The following PTCD3 variants were observed in gnomAD, a reference collection of about 807,000 sequenced individuals.
PTCD3 encodes the protein small ribosomal subunit protein mS39.
PTCD3 carries 89 observed loss-of-function variants against 101.9 expected under a neutral mutation model. The ratio of observed to expected loss-of-function variants is 0.87; its 90% CI spans 0.74 to 1.04. The LOEUF (loss-of-function observed/expected upper bound fraction) is 1.04, where lower values mean the gene tolerates loss of function less well. Among genes scored for constraint, PTCD3 ranks in the 50% least tolerant of loss-of-function variants. PTCD3 has a pLI of 0.00. For missense variants in PTCD3, 870 were observed against 828.2 expected, an observed-to-expected ratio of 1.05 and a Z score of -0.62; for synonymous variants, 296 against 278.5, an observed-to-expected ratio of 1.06 and a Z score of -0.63.
At chr2:86,126,964 G>A (rs1008285161) in intron 12 of PTCD3, among the ~76,000 whole-genome samples, 197 bp from the exon 13 acceptor site, 18 of 152,184 alleles carry the variant, frequency 1.2e-4, no homozygotes, top group African/African-American at 4.3e-4. Context: ...TGGGGTGGGT[G>A]TTTGAATTAG....
intron 13 of PTCD3, chr2:86,127,553 T>C (rs1337857016): frequency 4.0e-6 from 2 of 497,436 alleles, no homozygotes; most frequent in African/African-American, 3.9e-5. Context: ...GTGATTGCTT[T>C]GAGTTAGCTA....
chr2:86,111,114 G>A lies in PTCD3; in HGVS notation c.196G>A (p.Asp66Asn). The change falls in exon 4 of 24, where the codon GAT becomes AAT. Residue 66 changes from aspartate to asparagine, a missense_variant and splice_region_variant. Physicochemically the swap from Asp to Asn is conservative, Grantham distance 23. Coordinates refer to ENST00000254630, the MANE Select transcript of PTCD3 (RefSeq NM_017952.6). Reference protein sequence around the residue: ...EVVIPKKKTWDKVAVLQALAS... With the variant: ...EVVIPKKKTWNKVAVLQALAS... ...TTAACTTGTGGTTCTTATTTTTAGG[G>A]ATAAAGTAGCCGTTCTTCAGGCACT... 1 of 1,613,258 alleles carries A rather than the reference G, an allele frequency of 6.2e-7. No individual in the cohort carries two copies. The highest frequency in any genetic ancestry group is 8.5e-7 in the Non-Finnish European group (1 of 1,179,256).
At position 86,108,504 on chromosome 2, in the gene PTCD3, T is replaced by C; in HGVS notation, c.162T>C (p.Ile54=). 1 of 1,597,544 alleles carries C rather than the reference T, an allele frequency of 6.3e-7. No homozygotes were observed. The highest frequency in any genetic ancestry group is 8.5e-7 in the Non-Finnish European group (1 of 1,175,650). ...SKVEGTDVTG[I]EEVVIPKKKT... ...ATGTTTTCTTTTTTACATTAGGGAT[T>C]GAAGAAGTAGTAATTCCAAAAAAGA... The change falls in exon 3 of 24, where the codon ATT becomes ATC. Residue 54 remains isoleucine (I), a synonymous_variant. Coordinates refer to ENST00000254630, the MANE Select transcript of PTCD3 (RefSeq NM_017952.6).
chr2:86,129,211 C>T (rs982660232), intron 14 of PTCD3, among the ~76,000 whole-genome samples: 1 of 152,136 alleles, frequency 6.6e-6, no homozygotes, highest in East Asian at 1.9e-4. Context: ...TTTCTGACTC[C>T]AAAGTATATT....
At position 86,137,505 on chromosome 2, in the gene PTCD3, C is replaced by T. The variant is rs779319486; in HGVS notation, c.2016C>T (p.Asp672=). 2 of 1,613,190 alleles carry T rather than the reference C, an allele frequency of 1.2e-6. No individual in the cohort carries two copies. The highest frequency in any genetic ancestry group is 1.7e-6 in the Non-Finnish European group (2 of 1,179,908). ...ALSNLTALTS[D]SDTDSSSDSD... is the part of the protein sequence containing the mutation. Reference sequence around the variant, plus strand: ...GTAATCTAACTGCATTGACCAGTGACAGTGATACTGACAGCAGCAGTGACA... The same window carrying T: ...GTAATCTAACTGCATTGACCAGTGATAGTGATACTGACAGCAGCAGTGACA... The change falls in exon 24 of 24, where the codon GAC becomes GAT. Residue 672 remains aspartate (D), a synonymous_variant. Coordinates refer to ENST00000254630, the MANE Select transcript of PTCD3 (RefSeq NM_017952.6).
Position 86,125,883 on chromosome 2 carries a change from A to G in PTCD3, c.951+3A>G. 6.3e-7 allele frequency: 1 copy of G among 1,576,220 alleles called. No homozygotes were observed. The highest frequency in any genetic ancestry group is 8.7e-7 in the Non-Finnish European group (1 of 1,146,282). ...AGGAAAAATGGAGTAAAATACTGGT[A>G]AGGAGGAATCCTCAGTTTATTTTTT... On this transcript the variant is annotated splice_donor_region_variant and intron_variant, in intron 12 of 23. Transcript: ENST00000254630.
rs1378080501 is a variant in PTCD3 at position 86,130,695 on chromosome 2, G to C, written c.1195G>C (p.Glu399Gln). The change falls in exon 15 of 24, where the codon GAA becomes CAA. Residue 399 changes from glutamate to glutamine, a missense_variant. Physicochemically the swap from Glu to Gln is conservative, Grantham distance 29 (BLOSUM62 2). Coordinates refer to ENST00000254630, the MANE Select transcript of PTCD3 (RefSeq NM_017952.6). ...SSFIIYDIMNELMGKRFSPKD... is the reference protein window; with the variant it reads ...SSFIIYDIMNQLMGKRFSPKD... ...CTTCATCATTTATGATATAATGAAT[G>C]AATTAATGGGAAAGAGATTTTCTCC... The C allele has an allele frequency of 6.2e-7, 1 of 1,613,766 alleles. No homozygotes were observed. The highest frequency in any genetic ancestry group is 1.1e-5 in the South Asian group (1 of 90,994).
chr2:86,130,985 C>T, intron 15 of PTCD3, 93 bp from the exon 16 acceptor site: 1 of 1,414,114 alleles, frequency 7.1e-7, no homozygotes, highest in African/African-American at 1.4e-5. Context: ...TTGCATGTTA[C>T]CAGTTTTGTT....
chr2:86,133,833 T>A (rs952318007), intron 19 of PTCD3, among the ~76,000 whole-genome samples: 1 of 152,210 alleles, frequency 6.6e-6, no homozygotes, highest in Non-Finnish European at 1.5e-5. Context: ...TGTTTCCAAG[T>A]AATAGCCATG....
In PTCD3 at chr2:86,136,983, A is replaced by C; in HGVS notation, c.1822A>C (p.Ser608Arg). Residue 608 changes from serine to arginine, a missense_variant and splice_region_variant, in exon 23 of 24, where the codon AGT becomes CGT. By Grantham distance (110) the Ser-to-Arg change is moderately radical. Coordinates refer to ENST00000254630, the MANE Select transcript of PTCD3 (RefSeq NM_017952.6). The stretch of plus-strand genomic sequence containing the variant: ...TCACACTTTGCCTTTCTTTTACAGA[A>C]GTGAGTTGCTGAATGAGCTTATGGA... ...LFRKHNKIPR[S>R]ELLNELMDSA... is the part of the protein sequence containing the mutation. 6.2e-7 allele frequency: 1 copy of C among 1,613,176 alleles called. No homozygotes were observed. The highest frequency in any genetic ancestry group is 8.5e-7 in the Non-Finnish European group (1 of 1,179,888).
At chr2:86,127,415 G>A in intron 13 of PTCD3, 110 bp downstream of exon 13, 1 of 1,312,916 alleles carries the variant, frequency 7.6e-7, no homozygotes, top group Admixed American at 2.5e-5. Context: ...ATAATATGTT[G>A]GAAATTTTCT....
rs1005805869 is a variant in PTCD3, at chr2:86,138,332, C to T, written c.*773C>T. ...GTATTGCTGGTAATCAAGTTGGTAACGACTACTTCTAGCAGCTCTTACCAC... is the reference window on the plus strand; with the variant it reads ...GTATTGCTGGTAATCAAGTTGGTAATGACTACTTCTAGCAGCTCTTACCAC... On this transcript the variant is annotated 3_prime_UTR_variant, in exon 24 of 24. Coordinates refer to ENST00000254630, the MANE Select transcript of PTCD3 (RefSeq NM_017952.6). The T allele has an allele frequency of 3.3e-5, 5 of 152,076 alleles. No homozygotes were observed. The highest frequency in any genetic ancestry group is 4.8e-5 in the African/African-American group (2 of 41,416). The allele number at this position is 152,076 out of a possible 1,614,324, so 9.4% of individuals were successfully genotyped here.
Position 86,137,626 on chromosome 2 carries a change from TA to T in PTCD3, c.*68del. 1 of 1,597,754 alleles carries T rather than the reference TA, an allele frequency of 6.3e-7. No individual in the cohort carries two copies. The highest frequency in any genetic ancestry group is 8.5e-7 in the Non-Finnish European group (1 of 1,172,194). On this transcript the variant is annotated 3_prime_UTR_variant, in exon 24 of 24. Transcript: ENST00000254630. The stretch of plus-strand genomic sequence containing the variant: ...CTGGAATCACACCTGAGAACTGAGA[TA>T]TACCAATATTTAACATTGTTACAAA...
chr2:86,131,208 G>A, intron 16 of PTCD3, 102 bp downstream of exon 16: 2 of 870,806 alleles, frequency 2.3e-6, no homozygotes, highest in Non-Finnish European at 3.4e-6. Context: ...TTCTGTTCAT[G>A]TCTTTGCTTC....
At position 86,130,182 on chromosome 2, in the gene PTCD3, C is replaced by CCTA. The variant is rs1048578458; in HGVS notation, c.1148-465_1148-464insTAC. Among the ~76,000 whole-genome samples, 38 of 152,226 alleles carry CCTA rather than the reference C, an allele frequency of 2.5e-4. 1 individual carries two copies. The highest frequency in any genetic ancestry group is 9.1e-4 in the African/African-American group (38 of 41,534). ...CAGGCGTGGTGGCGAGGGCGTTAGT[C>CCTA]CCAGCTGCTCGGAAGGCTGAGGCAG... On this transcript the variant is annotated intron_variant, in intron 14 of 23. Transcript: ENST00000254630.
At position 86,140,808 on chromosome 2, in the gene PTCD3, G is replaced by A. The variant is rs1456670003; in HGVS notation, c.*3249G>A. ...AAAAATGCTGTCCAGGCCAGGCACA[G>A]TGGCTCACACCTGTAATCCCAGGAC... On this transcript the variant is annotated 3_prime_UTR_variant, in exon 24 of 24. Transcript: ENST00000254630. The A allele has an allele frequency of 1.3e-5, 2 of 151,776 alleles. No homozygotes were observed. Among genetic ancestry groups the A allele is most frequent in the Non-Finnish European group, 2.9e-5 (2 of 68,046 alleles). 9.4% of individuals were successfully genotyped at this position (151,776 alleles called of 1,614,324 possible). A position where few individuals can be genotyped will look rare whatever the true frequency, so the allele number is the denominator to read the frequency against.
At chr2:86,135,812 C>T (rs1280588871) in intron 21 of PTCD3, 3 of 467,706 alleles carry the variant, frequency 6.4e-6, no homozygotes, top group Admixed American at 4.5e-5. Context: ...GTGACAGAGA[C>T]GTATGACATT....
At chr2:86,128,362 G>A (rs1290720477) in intron 14 of PTCD3, among the ~76,000 whole-genome samples, 1 of 151,884 alleles carries the variant, frequency 6.6e-6, no homozygotes, top group Non-Finnish European at 1.5e-5. Flanking sequence ...AGGGGAGAGG[G>A]TTATGGATTG....
chr2:86,137,185 C>A, intron 23 of PTCD3, 45 bp downstream of exon 23: 1 of 1,513,658 alleles, frequency 6.6e-7, no homozygotes, highest in Non-Finnish European at 8.9e-7. Context: ...GGAGACCTTT[C>A]ATCCATCTGC....
Sources: gnomAD v4.1 joint callset for allele counts (sites outside exome capture counted in the v4.1 genomes callset) on GRCh38, gnomAD v4.1.1 for gene constraint, MANE v1.5 for transcripts, NCBI Gene and HGNC (gene_info 2026-07-23, HGNC 2026-07-21) for gene names.